SFXN5: variants seen among roughly 807,000 people sequenced by gnomAD.
SFXN5 encodes the protein sideroflexin 5, also known as sideroflexin-5.
A neutral mutation model predicts 50.2 loss-of-function variants in SFXN5; 43 were observed. The observed-to-expected ratio is 0.86, with a 90% CI of 0.67 to 1.11. SFXN5 has a LOEUF of 1.11. Ranked by LOEUF, SFXN5 falls within the 50% of genes least tolerant of loss-of-function variation. The probability of loss-of-function intolerance (pLI) is 0.00; values close to 1 mark genes in which losing one functional copy is unlikely to be tolerated. For missense variants in SFXN5, 463 were observed against 454.1 expected, an observed-to-expected ratio of 1.02 and a Z score of -0.18; for synonymous variants, 203 against 185.8, an observed-to-expected ratio of 1.09 and a Z score of -0.75.
intron 6 of SFXN5, among the ~76,000 whole-genome samples, chr2:73,008,699 G>C (rs1372058985): frequency 6.6e-6 from 1 of 152,198 alleles, no homozygotes; most frequent in Non-Finnish European, 1.5e-5. Flanking sequence ...TGAAGAAAGG[G>C]AGTGACGAAC....
In SFXN5 at chr2:72,953,337, CCAAA is replaced by C. The variant is rs1383711622; in HGVS notation, c.945+7790_945+7793del. Reference sequence around the variant, plus strand: ...ATTAAACCAGTAAATGAGAAAAACCCCAAACAAACATCTCCAAGCAAAGTAGGAG... The same window carrying C: ...ATTAAACCAGTAAATGAGAAAAACCCCAAACATCTCCAAGCAAAGTAGGAG... On this transcript the variant is annotated intron_variant, in intron 13 of 13. Transcript: ENST00000272433. This position sits in a 1 kb window ranked among gnomAD's most constrained non-coding sequence, Gnocchi z 4.1. 1.3e-5 allele frequency among the ~76,000 whole-genome samples: 2 copies of C among 152,066 alleles called. No individual in the cohort carries two copies. The highest frequency in any genetic ancestry group is 1.9e-4 in the East Asian group (1 of 5,170).
At chr2:72,959,590 C>T (rs1673479122) in intron 13 of SFXN5, among the ~76,000 whole-genome samples, 1 of 152,124 alleles carries the variant, frequency 6.6e-6, no homozygotes, top group Non-Finnish European at 1.5e-5. Context: ...TTCAATTTTC[C>T]TACCCCTGAA....
chr2:73,070,161 G>A (rs1222062366), intron 1 of SFXN5, among the ~76,000 whole-genome samples: 1 of 152,140 alleles, frequency 6.6e-6, no homozygotes, highest in Non-Finnish European at 1.5e-5. Flanking sequence ...GGGTGGGAGC[G>A]GGGACAGGCA....
chr2:72,988,990 G>A (rs1203580773), intron 9 of SFXN5, among the ~76,000 whole-genome samples: 3 of 152,116 alleles, frequency 2.0e-5, no homozygotes, highest in East Asian at 1.9e-4. Context: ...TGGGGTCTTC[G>A]TCACTCCAGT....
intron 1 of SFXN5, among the ~76,000 whole-genome samples, chr2:73,070,276 A>G (rs1683479243): frequency 6.6e-6 from 1 of 152,184 alleles, no homozygotes. Flanking sequence ...GGATACCTAC[A>G]TGCTGAGATG....
In SFXN5 at chr2:72,959,916, C is replaced by T. The variant is rs1329951667; in HGVS notation, c.945+1215G>A. Among the ~76,000 whole-genome samples the T allele has an allele frequency of 3.9e-5, 6 of 152,176 alleles. No individual in the cohort carries two copies. The East Asian group carries it at 1.2e-3, about 29-fold the overall frequency. On this transcript the variant is annotated intron_variant, in intron 13 of 13. Coordinates refer to ENST00000272433, the MANE Select transcript of SFXN5 (RefSeq NM_144579.3). The stretch of plus-strand genomic sequence containing the variant: ...TTTTCCCCTCACCTGTCACCTGGAT[C>T]CCTTCTCTGGGGACAGGGTTTGGCT...
chr2:73,001,813 A>T (rs1163461868), intron 6 of SFXN5, among the ~76,000 whole-genome samples: 1 of 152,246 alleles, frequency 6.6e-6, no homozygotes, highest in Non-Finnish European at 1.5e-5. Flanking sequence ...CATTTTATAT[A>T]TAACGATATA....
In SFXN5 at chr2:72,985,945, C is replaced by T. The variant is rs1457260081; in HGVS notation, c.625+2313G>A. On this transcript the variant is annotated intron_variant, in intron 10 of 13. Transcript: ENST00000272433. ...AGATGGCCAGTAGGGCTGGAATGGG[C>T]CCCCGGCAAAGTTCTTATCTAAAGC... Among the ~76,000 whole-genome samples, 4 of 152,178 alleles carry T rather than the reference C, an allele frequency of 2.6e-5. No homozygotes were observed. In the East Asian group the frequency reaches 5.8e-4, roughly 22 times the overall value.
chr2:73,010,223 T>C (rs1293217664), intron 6 of SFXN5, among the ~76,000 whole-genome samples: 1 of 152,236 alleles, frequency 6.6e-6, no homozygotes, highest in Non-Finnish European at 1.5e-5. Context: ...ATGAAATGTA[T>C]ATACCCAGCT....
At chr2:72,967,237 T>G (rs893483294) in intron 12 of SFXN5, 2 of 152,212 alleles carry the variant, frequency 1.3e-5, no homozygotes, top group Non-Finnish European at 2.9e-5. Flanking sequence ...AAACACTTAC[T>G]GAGCATCTAT....
intron 13 of SFXN5, chr2:72,956,929 T>C (rs1387021150): frequency 9.2e-6 from 4 of 435,042 alleles, no homozygotes; most frequent in African/African-American, 4.0e-5. Flanking sequence ...GACTGCCATG[T>C]CTAGCTATGC....
In SFXN5 at chr2:73,047,501, TC is replaced by T. The variant is rs535893183; in HGVS notation, c.172-6571del. ...AAAATCTCACCCTAAATTATAATAATCCCCCCATGTCAAGGGCGGGGCCAGG... is the reference window on the plus strand; with the variant it reads ...AAAATCTCACCCTAAATTATAATAATCCCCCATGTCAAGGGCGGGGCCAGG... On this transcript the variant is annotated intron_variant, in intron 2 of 13. Transcript: ENST00000272433. Among the ~76,000 whole-genome samples, 10 of 150,968 alleles carry T rather than the reference TC, an allele frequency of 6.6e-5. No individual in the cohort carries two copies. In the South Asian group the frequency reaches 1.0e-3, roughly 16 times the overall value.
In SFXN5 at chr2:73,056,600, G is replaced by A. The variant is rs140361168; in HGVS notation, c.171+1928C>T. On this transcript the variant is annotated intron_variant, in intron 2 of 13. Transcript: ENST00000272433. ...CTTCGAAGGCTGAGGCAGGAGAATC[G>A]CTTGAACCTGGGAGGCAGAGGTTGC... 6.6e-3 allele frequency among the ~76,000 whole-genome samples: 988 copies of A among 148,956 alleles called. 14 individuals are homozygous for A. The highest frequency in any genetic ancestry group is 0.021 in the African/African-American group (850 of 40,356).
At chr2:73,003,137 G>A (rs1674136824) in intron 6 of SFXN5, among the ~76,000 whole-genome samples, 3 of 151,748 alleles carry the variant, frequency 2.0e-5, no homozygotes, top group Non-Finnish European at 4.4e-5. Context: ...CCTAGCGGGG[G>A]TGGGGATGGG....
chr2:72,981,471 C>T (rs572377881), intron 10 of SFXN5, among the ~76,000 whole-genome samples: 11 of 152,260 alleles, frequency 7.2e-5, no homozygotes, highest in South Asian at 2.1e-4. Context: ...CGGCCCACCT[C>T]GATGGATCTT....
Position 72,960,556 on chromosome 2 carries a change from G to A in SFXN5, c.945+575C>T, listed in dbSNP as rs1416616641. Among the ~76,000 whole-genome samples, 1 of 152,062 alleles carries A rather than the reference G, an allele frequency of 6.6e-6. No homozygotes were observed. The highest frequency in any genetic ancestry group is 2.4e-5 in the African/African-American group (1 of 41,398). On this transcript the variant is annotated intron_variant, in intron 13 of 13. Coordinates refer to ENST00000272433, the MANE Select transcript of SFXN5 (RefSeq NM_144579.3). The surrounding 1 kb of genome is among the most constrained non-coding windows in gnomAD (Gnocchi z 6.1). Reference sequence around the variant, plus strand: ...AGCCCCACGCGGCAGCACAGGGGCCGCTCAGAATCAGGCATCTGTGGTCTG... The same window carrying A: ...AGCCCCACGCGGCAGCACAGGGGCCACTCAGAATCAGGCATCTGTGGTCTG...
chr2:72,979,356 G>A (rs1458769292), intron 10 of SFXN5, among the ~76,000 whole-genome samples: 3 of 137,924 alleles, frequency 2.2e-5, no homozygotes, highest in Admixed American at 6.9e-5. Flanking sequence ...AAAACAGGCC[G>A]AGTGCAGTGG....
chr2:72,968,956 C>A (rs1335248766), intron 11 of SFXN5, among the ~76,000 whole-genome samples: 1 of 152,012 alleles, frequency 6.6e-6, no homozygotes, highest in Admixed American at 6.6e-5. Context: ...GTGCGCACCA[C>A]CATACCTGGC....
intron 10 of SFXN5, among the ~76,000 whole-genome samples, chr2:72,982,458 C>T (rs1163024260): frequency 2.0e-5 from 3 of 152,254 alleles, no homozygotes; most frequent in Non-Finnish European, 2.9e-5. Flanking sequence ...TGACTCATCT[C>T]AAACCTTTTG....
Sources: gnomAD v4.1 joint callset for allele counts (sites outside exome capture counted in the v4.1 genomes callset) on GRCh38, gnomAD v4.1.1 for gene constraint, Gnocchi (gnomAD v3.1) non-coding constraint, MANE v1.5 for transcripts, NCBI Gene and HGNC (gene_info 2026-07-23, HGNC 2026-07-21) for gene names.